The following NFIB variants were observed in gnomAD, a reference collection of about 807,000 sequenced individuals.
NFIB encodes nuclear factor 1 B-type.
In NFIB, 11 loss-of-function variants were observed where a neutral mutation model predicts 61.5. The ratio of observed to expected loss-of-function variants is 0.18; its 90% CI spans 0.11 to 0.30. The LOEUF is 0.30. Among genes scored for constraint, NFIB ranks in the 10% least tolerant of loss-of-function variants. The pLI is 1.00. For missense variants in NFIB, 471 were observed against 608.9 expected (o/e 0.77, Z 2.38); for synonymous variants, 260 against 216.5 (o/e 1.20, Z -1.76).
intron 2 of NFIB, among the ~76,000 whole-genome samples, chr9:14,183,844 T>C (rs1053755201): frequency 1.3e-5 from 2 of 152,132 alleles, no homozygotes; most frequent in East Asian, 1.9e-4. Flanking sequence ...CCCCATTCTT[T>C]AAGTGTGGGT....
intron 2 of NFIB, among the ~76,000 whole-genome samples, chr9:14,223,648 T>C (rs749754580): frequency 3.3e-5 from 5 of 151,988 alleles, no homozygotes; most frequent in Admixed American, 6.5e-5. Flanking sequence ...TTTCCCTCAA[T>C]GTGTAAAAGA....
chr9:14,507,971 AACAC>A, the NFIB span, among the ~76,000 whole-genome samples: 14 of 129,092 alleles, frequency 1.1e-4, no homozygotes, highest in Non-Finnish European at 1.7e-4. Flanking sequence ...GACACACACA[AACAC>A]ACACACACAC....
chr9:14,137,629 A>G (rs1293443124), intron 6 of NFIB, among the ~76,000 whole-genome samples: 1 of 152,216 alleles, frequency 6.6e-6, no homozygotes, highest in Non-Finnish European at 1.5e-5. Flanking sequence ...CCACACCAGT[A>G]TTTAGAGTTT....
chr9:14,369,119 G>A (rs188801411), intron 1 of NFIB, among the ~76,000 whole-genome samples: 38 of 152,154 alleles, frequency 2.5e-4, no homozygotes, highest in Middle Eastern at 3.4e-3. Flanking sequence ...TATATTCCCA[G>A]ACCCCAGAAT....
chr9:14,443,689 T>A, the NFIB span, among the ~76,000 whole-genome samples: 7 of 152,234 alleles, frequency 4.6e-5, no homozygotes, highest in Non-Finnish European at 1.0e-4. Flanking sequence ...TGCCTTCCTA[T>A]TTTTGCCTGT....
At chr9:14,459,353 C>T in the NFIB span, among the ~76,000 whole-genome samples, 3 of 152,114 alleles carry the variant, frequency 2.0e-5, no homozygotes, top group East Asian at 1.9e-4. Context: ...TTACACCTTA[C>T]ACAAAAACTA....
At chr9:14,290,075 G>A (rs2058988617) in intron 2 of NFIB, among the ~76,000 whole-genome samples, 1 of 152,018 alleles carries the variant, frequency 6.6e-6, no homozygotes, top group Non-Finnish European at 1.5e-5. Flanking sequence ...ATGGATAGTA[G>A]TAAAGTATAC....
intron 3 of NFIB, among the ~76,000 whole-genome samples, chr9:14,156,452 T>C (rs1243169444): frequency 6.6e-6 from 1 of 152,200 alleles, no homozygotes; most frequent in Admixed American, 6.5e-5. Flanking sequence ...TGCGTTGACC[T>C]ATTTCTGGGC....
intron 10 of NFIB, among the ~76,000 whole-genome samples, chr9:14,109,727 T>G (rs1299559632): frequency 2.6e-5 from 4 of 151,988 alleles, no homozygotes; most frequent in Non-Finnish European, 1.5e-5. Flanking sequence ...TGGTATGTGC[T>G]GACTATTGTG....
the NFIB span, among the ~76,000 whole-genome samples, chr9:14,423,409 T>A: frequency 3.3e-5 from 5 of 152,228 alleles, no homozygotes; most frequent in African/African-American, 1.2e-4. Flanking sequence ...AGGGGACTGA[T>A]TTTTTTCTTT....
intron 2 of NFIB, among the ~76,000 whole-genome samples, chr9:14,243,030 T>A (rs1253406354): frequency 6.6e-6 from 1 of 152,238 alleles, no homozygotes; most frequent in East Asian, 1.9e-4. Flanking sequence ...AAACTGCATT[T>A]ATTTGTACAG....
intron 2 of NFIB, among the ~76,000 whole-genome samples, chr9:14,300,906 G>T (rs943425157): frequency 2.0e-5 from 3 of 152,110 alleles, no homozygotes; most frequent in Non-Finnish European, 2.9e-5. Flanking sequence ...TTGCTATATT[G>T]GGTATCTTGG....
At chr9:14,466,321 C>T in the NFIB span, among the ~76,000 whole-genome samples, 2 of 152,114 alleles carry the variant, frequency 1.3e-5, no homozygotes, top group African/African-American at 2.4e-5. Context: ...AGGCAGCGGA[C>T]GTGTCTTTTC....
chr9:14,223,242 C>T (rs999585370), intron 2 of NFIB, among the ~76,000 whole-genome samples: 3 of 152,172 alleles, frequency 2.0e-5, no homozygotes, highest in African/African-American at 7.2e-5. Context: ...GCAGGGACTT[C>T]CTGACAGAAA....
the NFIB span, among the ~76,000 whole-genome samples, chr9:14,485,407 A>G: frequency 6.6e-6 from 1 of 152,212 alleles, no homozygotes; most frequent in African/African-American, 2.4e-5. Flanking sequence ...TTGTCATGAG[A>G]TGAAGGAATG....
chr9:14,415,780 G>T, the NFIB span, among the ~76,000 whole-genome samples: 2 of 152,110 alleles, frequency 1.3e-5, no homozygotes, highest in African/African-American at 4.8e-5. Context: ...AATCCCTCAA[G>T]TCCCACCAAG....
chr9:14,371,562 C>T (rs2061358968), intron 1 of NFIB, among the ~76,000 whole-genome samples: 1 of 152,194 alleles, frequency 6.6e-6, no homozygotes, highest in Admixed American at 6.5e-5. Context: ...AAATTGGGAA[C>T]ACCTAGGCTA....
At chr9:14,430,075 T>A in the NFIB span, among the ~76,000 whole-genome samples, 1 of 152,160 alleles carries the variant, frequency 6.6e-6, no homozygotes, top group East Asian at 1.9e-4. Context: ...TTCAATAGGT[T>A]AATGGTGGAG....
In NFIB at chr9:14,352,421, A is replaced by G. The variant is rs115232441; in HGVS notation, c.109-44901T>C. On this transcript the variant is annotated intron_variant, in intron 1 of 8. Transcript: ENST00000380934. ...CATTAGCTAAGATGAACGTGGAAAT[A>G]AAGAAGTGAGCGAGGCCACAGGTAA... 4.1e-3 allele frequency among the ~76,000 whole-genome samples: 619 copies of G among 152,082 alleles called. 3 individuals are homozygous for G. The highest frequency in any genetic ancestry group is 0.014 in the African/African-American group (587 of 41,484).
Sources: gnomAD v4.1 joint callset for allele counts (sites outside exome capture counted in the v4.1 genomes callset) on GRCh38, gnomAD v4.1.1 for gene constraint, MANE v1.5 for transcripts, NCBI Gene and HGNC (gene_info 2026-07-23, HGNC 2026-07-21) for gene names.